The following EDEM1 variants were observed in gnomAD, a reference collection of about 807,000 sequenced individuals.
EDEM1 encodes ER degradation enhancing alpha-mannosidase like protein 1, also known as ER degradation-enhancing alpha-mannosidase-like protein 1.
Under a neutral mutation model 74.4 loss-of-function variants are expected in EDEM1, and 67 were observed. The ratio of observed to expected loss-of-function variants is 0.90; its 90% CI spans 0.74 to 1.10. The LOEUF is 1.10. Ranked by LOEUF, EDEM1 falls within the 50% of genes least tolerant of loss-of-function variation. The pLI, the probability that EDEM1 is intolerant of heterozygous loss-of-function variation, is 0.00. For synonymous variants in EDEM1, 382 were observed against 335.9 expected (o/e 1.14, Z -1.50); for missense variants, 926 against 851.6 (o/e 1.09, Z -1.09).
chr3:5,206,441 C>T (rs943087132), intron 6 of EDEM1, among the ~76,000 whole-genome samples: 2 of 152,032 alleles, frequency 1.3e-5, no homozygotes, highest in Admixed American at 6.5e-5. Context: ...CTCCTGACCT[C>T]GTGATCCACC....
chr3:5,212,583 C>G (rs1269402834), intron 10 of EDEM1, among the ~76,000 whole-genome samples: 1 of 152,248 alleles, frequency 6.6e-6, no homozygotes, highest in Non-Finnish European at 1.5e-5. Flanking sequence ...TAAACATTGA[C>G]AAGCTGCACT....
At chr3:5,198,165 A>G (rs542830359) in intron 2 of EDEM1, among the ~76,000 whole-genome samples, 1 of 152,076 alleles carries the variant, frequency 6.6e-6, no homozygotes, top group Non-Finnish European at 1.5e-5. Context: ...CTTGTGCCTC[A>G]GCCTCCCGAG....
chr3:5,218,087 A>G lies in EDEM1; in HGVS notation c.*2169A>G, dbSNP rs1370007474. On this transcript the variant is annotated 3_prime_UTR_variant, in exon 12 of 12. Coordinates refer to ENST00000256497, the MANE Select transcript of EDEM1 (RefSeq NM_014674.3). ...TCCTGGAATAGGGAATAGGGATCTC[A>G]TGCTTGCAAACTACACAATGCTGCA... The G allele has an allele frequency of 6.6e-6, 1 of 152,254 alleles. No homozygotes were observed. The highest frequency in any genetic ancestry group is 1.5e-5 in the Non-Finnish European group (1 of 68,068). The allele number at this position is 152,254 out of a possible 1,614,324, so 9.4% of individuals were successfully genotyped here.
At chr3:5,208,796 T>C (rs2055131919) in intron 8 of EDEM1, among the ~76,000 whole-genome samples, 1 of 152,092 alleles carries the variant, frequency 6.6e-6, no homozygotes, top group African/African-American at 2.4e-5. Flanking sequence ...CACATATATA[T>C]GTAATAGTGT....
chr3:5,214,068 C>T (rs371456734), intron 11 of EDEM1, among the ~76,000 whole-genome samples: 5 of 152,188 alleles, frequency 3.3e-5, no homozygotes, highest in African/African-American at 7.2e-5. Flanking sequence ...AGATGCTCTT[C>T]GAAGTGCAGC....
At chr3:5,188,698 C>T (rs1162571233) in intron 1 of EDEM1, among the ~76,000 whole-genome samples, 3 of 152,202 alleles carry the variant, frequency 2.0e-5, no homozygotes, top group South Asian at 2.1e-4. Context: ...ATGAAATCTC[C>T]ATCATGCCCC....
At chr3:5,213,214 A>G (rs566450755) in intron 10 of EDEM1, 105 bp from the exon 11 acceptor site, 2 of 1,123,172 alleles carry the variant, frequency 1.8e-6, no homozygotes, top group East Asian at 5.2e-5. Flanking sequence ...GAGAAGCATG[A>G]GGCCCAAGCA....
chr3:5,195,653 C>G (rs2054957207), intron 2 of EDEM1, among the ~76,000 whole-genome samples: 1 of 152,122 alleles, frequency 6.6e-6, no homozygotes, highest in Non-Finnish European at 1.5e-5. Flanking sequence ...TGGCAGGTAC[C>G]CTGAAATGTC....
chr3:5,209,923 T>C (rs2055148344), intron 8 of EDEM1, among the ~76,000 whole-genome samples: 1 of 152,254 alleles, frequency 6.6e-6, no homozygotes, highest in Non-Finnish European at 1.5e-5. Context: ...AAGTAGACTA[T>C]TGTTCTACCC....
intron 11 of EDEM1, among the ~76,000 whole-genome samples, chr3:5,215,423 G>A (rs571133952): frequency 3.9e-5 from 6 of 152,162 alleles, no homozygotes; most frequent in Non-Finnish European, 2.9e-5. Context: ...AATTCTGGGC[G>A]GACTAAGGAC....
intron 5 of EDEM1, among the ~76,000 whole-genome samples, chr3:5,204,031 C>T (rs945284258): frequency 6.6e-6 from 1 of 152,158 alleles, no homozygotes; most frequent in South Asian, 2.1e-4. Context: ...TGTGCCCAGC[C>T]TAGGTGTTAT....
rs1251672296 is a variant in EDEM1 at position 5,203,064 on chromosome 3, C to G, written c.957C>G (p.Leu319=). Residue 319 remains leucine (L), a synonymous_variant, in exon 5 of 12, where the codon CTC becomes CTG. Transcript: ENST00000256497. ...TGGAATTTGGGATTCTGAGTCGACTCCTGGGGGACTCCACATTTGAGTGGG... is the reference window on the plus strand; with the variant it reads ...TGGAATTTGGGATTCTGAGTCGACTGCTGGGGGACTCCACATTTGAGTGGG... The part of the protein sequence containing the change: ...LLVEFGILSR[L]LGDSTFEWVA... 1.2e-6 allele frequency: 2 copies of G among 1,613,616 alleles called. No homozygotes were observed. The highest frequency in any genetic ancestry group is 1.7e-6 in the Non-Finnish European group (2 of 1,179,814).
Position 5,215,814 on chromosome 3 carries a change from T to C in EDEM1, c.1885-15T>C, listed in dbSNP as rs768034066. On this transcript the variant is annotated splice_polypyrimidine_tract_variant and intron_variant, in intron 11 of 11. Coordinates refer to ENST00000256497, the MANE Select transcript of EDEM1 (RefSeq NM_014674.3). ...CATATGAGTTTTTAATTTTCCCTCG[T>C]TTTTGTCTTTCTAGTGCAATCGTGT... 1.7e-5 allele frequency: 27 copies of C among 1,611,236 alleles called. No homozygotes were observed. Among genetic ancestry groups the C allele is most frequent in the East Asian group, 4.5e-5 (2 of 44,870 alleles).
Position 5,216,055 on chromosome 3 carries a change from C to T in EDEM1, c.*137C>T, listed in dbSNP as rs1351586682. Reference sequence around the variant, plus strand: ...GTAGGAATTTCTGTGCAACACCTCACCACGTCTGGTTAATCCTTGCACACT... The same window carrying T: ...GTAGGAATTTCTGTGCAACACCTCATCACGTCTGGTTAATCCTTGCACACT... On this transcript the variant is annotated 3_prime_UTR_variant, in exon 12 of 12. Coordinates refer to ENST00000256497, the MANE Select transcript of EDEM1 (RefSeq NM_014674.3). The T allele has an allele frequency of 4.6e-6, 3 of 654,290 alleles. No individual in the cohort carries two copies. The highest frequency in any genetic ancestry group is 5.3e-6 in the Non-Finnish European group (2 of 379,706). 40.5% of individuals were successfully genotyped at this position (654,290 alleles called of 1,614,324 possible). A position where few individuals can be genotyped will look rare whatever the true frequency, so the allele number is the denominator to read the frequency against.
At position 5,202,965 on chromosome 3, in the gene EDEM1, G is replaced by A. The variant is rs1246898497; in HGVS notation, c.859-1G>A. 6.2e-7 allele frequency: 1 copy of A among 1,613,074 alleles called. No homozygotes were observed. Among genetic ancestry groups the A allele is most frequent in the South Asian group, 1.1e-5 (1 of 91,042 alleles). On this transcript the variant is annotated splice_acceptor_variant, in intron 4 of 11. Transcript: ENST00000256497. LOFTEE classifies it high-confidence loss of function. ...CAGTCTTTGTCTGTTCCCATCCCCA[G>A]GTGAATCTAAAGACAGGAGTTCCTC...
In EDEM1 at chr3:5,205,117, C is replaced by T. The variant is rs1286401352; in HGVS notation, c.1093C>T (p.Leu365=). The change falls in exon 6 of 12, where the codon CTG becomes TTG. Residue 365 remains leucine, a synonymous_variant. Transcript: ENST00000256497. ...CCACTGGGTTGGAAAGCAGAGTGGC[C>T]TGGGTGCCGGGCTGGACTCCTTCTA... is the stretch of plus-strand genomic sequence containing the variant. The part of the protein sequence containing the change: ...TGHWVGKQSG[L]GAGLDSFYEY... 2 of 1,614,214 alleles carry T rather than the reference C, an allele frequency of 1.2e-6. No individual in the cohort carries two copies. The highest frequency in any genetic ancestry group is 2.2e-5 in the South Asian group (2 of 91,090).
Position 5,207,201 on chromosome 3 carries a change from C to T in EDEM1, c.1266C>T (p.Asn422=), listed in dbSNP as rs763645555. 18 of 1,614,076 alleles carry T rather than the reference C, an allele frequency of 1.1e-5. 1 individual carries two copies. The South Asian group carries it at 1.2e-4, about 11-fold the overall frequency. ...AAGGAGACCCTCCACTCTATGTCAA[C>T]GTGAACATGTTCAGTGGGCAGCTGA... ...EGEGDPPLYV[N]VNMFSGQLMN... Residue 422 remains asparagine (N), a synonymous_variant, in exon 7 of 12, where the codon AAC becomes AAT. Transcript: ENST00000256497.
At chr3:5,204,437 A>C (rs2055071261) in intron 5 of EDEM1, among the ~76,000 whole-genome samples, 1 of 151,648 alleles carries the variant, frequency 6.6e-6, no homozygotes, top group Non-Finnish European at 1.5e-5. Flanking sequence ...GCAGTGGCAC[A>C]GTCTCTGCTC....
At chr3:5,208,376 T>A in intron 8 of EDEM1, 113 bp downstream of exon 8, 2 of 1,264,854 alleles carry the variant, frequency 1.6e-6, no homozygotes, top group Non-Finnish European at 2.2e-6. Context: ...TCATAGTGAC[T>A]CTGATTGAGT....
Sources: allele counts gnomAD v4.1 joint callset (sites outside exome capture counted in the v4.1 genomes callset), GRCh38; gene constraint gnomAD v4.1.1; transcripts MANE v1.5; gene names NCBI Gene and HGNC (gene_info 2026-07-23, HGNC 2026-07-21).